NDST4: variants seen among roughly 807,000 people sequenced by gnomAD.
NDST4 encodes N-deacetylase and N-sulfotransferase 4.
Under a neutral mutation model 100.8 loss-of-function variants are expected in NDST4, and 63 were observed. The ratio of observed to expected loss-of-function variants is 0.62; its 90% CI spans 0.51 to 0.77. The LOEUF (loss-of-function observed/expected upper bound fraction) is 0.77. NDST4 is among the 30% of genes least tolerant of loss of function. The pLI is 0.00. For missense variants in NDST4, 943 were observed against 1,018.4 expected, an observed-to-expected ratio of 0.93 and a Z score of 1.01; for synonymous variants, 377 against 361.8, an observed-to-expected ratio of 1.04 and a Z score of -0.48.
At chr4:115,055,963 T>C (rs1333647947) in intron 2 of NDST4, among the ~76,000 whole-genome samples, 1 of 152,138 alleles carries the variant, frequency 6.6e-6, no homozygotes, top group Non-Finnish European at 1.5e-5. Context: ...GTGTGTCATA[T>C]TTTTTAAAAG....
At chr4:114,939,066 A>G (rs1488848719) in intron 4 of NDST4, among the ~76,000 whole-genome samples, 1 of 152,216 alleles carries the variant, frequency 6.6e-6, no homozygotes, top group Admixed American at 6.5e-5. Flanking sequence ...GACAGGCAAC[A>G]GTTGTTACCC....
intron 6 of NDST4, among the ~76,000 whole-genome samples, chr4:114,907,720 T>C (rs879498803): frequency 1.3e-5 from 2 of 151,886 alleles, no homozygotes; most frequent in Non-Finnish European, 2.9e-5. Flanking sequence ...CTACCTCAAC[T>C]TGGGGTGGGG....
At chr4:114,862,591 G>A (rs889041107) in intron 7 of NDST4, among the ~76,000 whole-genome samples, 6 of 152,084 alleles carry the variant, frequency 3.9e-5, no homozygotes, top group African/African-American at 1.2e-4. Context: ...TCTTGGTTCT[G>A]TATGTTCAAC....
chr4:114,877,520 G>C (rs1318073955), intron 6 of NDST4, among the ~76,000 whole-genome samples: 1 of 152,052 alleles, frequency 6.6e-6, no homozygotes, highest in East Asian at 1.9e-4. Flanking sequence ...TTTCACAATG[G>C]AACACAATAA....
chr4:114,880,636 A>T (rs1724347574), intron 6 of NDST4, among the ~76,000 whole-genome samples: 1 of 152,328 alleles, frequency 6.6e-6, no homozygotes, highest in Non-Finnish European at 1.5e-5. Flanking sequence ...ACATTTATTA[A>T]TGCTTAATAA....
chr4:115,028,225 A>T (rs1728031750), intron 2 of NDST4, among the ~76,000 whole-genome samples: 2 of 152,160 alleles, frequency 1.3e-5, no homozygotes, highest in African/African-American at 4.8e-5. Flanking sequence ...GGAGACAATC[A>T]GACAACTCTT....
chr4:114,847,300 C>T (rs1477023873), intron 9 of NDST4, among the ~76,000 whole-genome samples: 4 of 123,020 alleles, frequency 3.3e-5, no homozygotes, highest in South Asian at 3.1e-4. Flanking sequence ...GGCGTGAACC[C>T]GGGAGGCGGA....
At chr4:114,928,520 C>T (rs1725429514) in intron 6 of NDST4, among the ~76,000 whole-genome samples, 1 of 152,112 alleles carries the variant, frequency 6.6e-6, no homozygotes, top group Non-Finnish European at 1.5e-5. Context: ...TCCAAGTCTG[C>T]CTGCCACATT....
chr4:115,020,573 A>G (rs1281888315), intron 2 of NDST4, among the ~76,000 whole-genome samples: 3 of 152,152 alleles, frequency 2.0e-5, no homozygotes, highest in Non-Finnish European at 4.4e-5. Context: ...ATTAAACTAA[A>G]GAACTTTTGC....
rs1360174853 is a variant in NDST4 at position 114,974,128 on chromosome 4, A to C, written c.1066+3059T>G. The stretch of plus-strand genomic sequence containing the variant: ...TGCTCCTAATAAAAGAGATATTATT[A>C]TCCCCATTTGGTAGATATATAAACT... On this transcript the variant is annotated intron_variant, in intron 3 of 13. Transcript: ENST00000264363. 9.2e-5 allele frequency among the ~76,000 whole-genome samples: 14 copies of C among 152,200 alleles called. 1 individual carries two copies. In the East Asian group the frequency reaches 1.3e-3, roughly 15 times the overall value.
chr4:114,916,677 AT>A (rs1468116198), intron 6 of NDST4, among the ~76,000 whole-genome samples: 2 of 135,668 alleles, frequency 1.5e-5, no homozygotes, highest in African/African-American at 2.8e-5. Context: ...GCATCTTTCT[AT>A]TTTTTTCTAA....
intron 7 of NDST4, among the ~76,000 whole-genome samples, chr4:114,863,560 T>C (rs1723963710): frequency 6.6e-6 from 1 of 152,224 alleles, no homozygotes; most frequent in Non-Finnish European, 1.5e-5. Flanking sequence ...CCCTTTTCAT[T>C]CTCCAATCTT....
At chr4:114,865,874 A>G (rs912596099) in intron 7 of NDST4, among the ~76,000 whole-genome samples, 5 of 152,320 alleles carry the variant, frequency 3.3e-5, no homozygotes, top group South Asian at 2.1e-4. Context: ...AAATTAAAGA[A>G]TCAAAATCAT....
chr4:114,863,967 T>C (rs1441876366), intron 7 of NDST4, among the ~76,000 whole-genome samples: 1 of 152,178 alleles, frequency 6.6e-6, no homozygotes, highest in Non-Finnish European at 1.5e-5. Context: ...AGAACATAGA[T>C]TGAAAGAATA....
At chr4:114,996,731 TA>T (rs1473007255) in intron 2 of NDST4, among the ~76,000 whole-genome samples, 1 of 152,102 alleles carries the variant, frequency 6.6e-6, no homozygotes, top group East Asian at 1.9e-4. Flanking sequence ...TACTAAAAAT[TA>T]AAATTTCATT....
In NDST4 at chr4:114,833,016, G is replaced by A. The variant is rs1333859888; in HGVS notation, c.2396+590C>T. 2.6e-5 allele frequency among the ~76,000 whole-genome samples: 4 copies of A among 152,258 alleles called. 1 individual carries two copies. Among genetic ancestry groups the A allele is most frequent in the South Asian group, 4.1e-4 (2 of 4,826 alleles). On this transcript the variant is annotated intron_variant, in intron 12 of 13. Transcript: ENST00000264363. ...GGCTGTGGCTCTAAACATCATGAGC[G>A]AAGACAAGCCATCCTTCTGTATCCT...
chr4:114,872,324 A>C (rs1193253653), intron 6 of NDST4, among the ~76,000 whole-genome samples: 2 of 152,154 alleles, frequency 1.3e-5, no homozygotes, highest in South Asian at 2.1e-4. Flanking sequence ...ATAGGTTAAA[A>C]ACATCTAAAC....
At chr4:114,959,775 G>C (rs1726219455) in intron 4 of NDST4, among the ~76,000 whole-genome samples, 2 of 152,092 alleles carry the variant, frequency 1.3e-5, no homozygotes. Context: ...TGAATGACCA[G>C]AGCCTCAAAG....
At chr4:114,827,970 C>CT (rs751612397) in intron 13 of NDST4, 35 bp from the exon 14 acceptor site, 13 of 1,568,944 alleles carry the variant, frequency 8.3e-6, no homozygotes, top group Non-Finnish European at 1.0e-5. Context: ...GAAAGAAGCT[C>CT]TTTGTTTCAT....
Sources: gnomAD v4.1 joint callset for allele counts (sites outside exome capture counted in the v4.1 genomes callset) on GRCh38, gnomAD v4.1.1 for gene constraint, MANE v1.5 for transcripts, NCBI Gene and HGNC (gene_info 2026-07-23, HGNC 2026-07-21) for gene names.